Variants in CAST observed in about 807,000 individuals in gnomAD.
CAST encodes the protein calpastatin.
Under a neutral mutation model 119.6 loss-of-function variants are expected in CAST, and 76 were observed. The observed-to-expected ratio is 0.64, with a 90% CI of 0.53 to 0.77. CAST has a LOEUF of 0.77. Among genes scored for constraint, CAST ranks in the 30% least tolerant of loss-of-function variants. CAST has a pLI of 0.00. For synonymous variants in CAST, 319 were observed against 331.6 expected (o/e 0.96, Z 0.41); for missense variants, 953 against 946.5 (o/e 1.01, Z -0.09).
At chr5:96,541,739 AT>A (rs1561411208) in intron 1 of CAST, among the ~76,000 whole-genome samples, 1 of 152,222 alleles carries the variant, frequency 6.6e-6, no homozygotes, top group East Asian at 1.9e-4. Flanking sequence ...TTTCAGACTG[AT>A]TTCTTTCACT....
At chr5:96,574,986 T>G (rs2150187935) in intron 1 of CAST, among the ~76,000 whole-genome samples, 1 of 152,320 alleles carries the variant, frequency 6.6e-6, no homozygotes, top group Non-Finnish European at 1.5e-5. Flanking sequence ...GAAATTGCAT[T>G]AAACCTATAG....
chr5:96,079,666 G>A, the CAST span, among the ~76,000 whole-genome samples: 2 of 152,036 alleles, frequency 1.3e-5, no homozygotes, highest in African/African-American at 4.8e-5. Flanking sequence ...TTACTTGCTA[G>A]CACCCTTCCA....
At chr5:96,706,790 C>A (rs1427575789) in intron 3 of CAST, among the ~76,000 whole-genome samples, 1 of 152,200 alleles carries the variant, frequency 6.6e-6, no homozygotes, top group African/African-American at 2.4e-5. Flanking sequence ...ACTGAGAGTT[C>A]TGGTTAATTC....
chr5:96,077,571 C>T, the CAST span, among the ~76,000 whole-genome samples: 2 of 152,202 alleles, frequency 1.3e-5, no homozygotes, highest in African/African-American at 4.8e-5. Flanking sequence ...CCAGATCCCT[C>T]ATGGATAGAT....
the CAST span, among the ~76,000 whole-genome samples, chr5:96,512,554 A>G: frequency 1.3e-5 from 2 of 152,240 alleles, no homozygotes; most frequent in Non-Finnish European, 2.9e-5. Flanking sequence ...CCTTTTAATA[A>G]CTAGACAGAT....
At chr5:96,518,538 C>T in the CAST span, among the ~76,000 whole-genome samples, 1 of 152,152 alleles carries the variant, frequency 6.6e-6, no homozygotes, top group Non-Finnish European at 1.5e-5. Flanking sequence ...CTGAGTCTTC[C>T]CTATAAGCTG....
At chr5:96,616,753 T>TATAC (rs1167637550) in intron 1 of CAST, among the ~76,000 whole-genome samples, 181 of 130,834 alleles carry the variant, frequency 1.4e-3, no homozygotes, top group African/African-American at 3.7e-3. Context: ...TCTATATATA[T>TATAC]ACACACACAC....
At chr5:96,193,214 G>T in the CAST span, among the ~76,000 whole-genome samples, 1 of 152,046 alleles carries the variant, frequency 6.6e-6, no homozygotes, top group African/African-American at 2.4e-5. Flanking sequence ...TACAGATGCA[G>T]TGAAGTATGT....
In CAST at chr5:96,773,010, C is replaced by CTTAA. The variant is rs1406580948; in HGVS notation, c.*397_*400dup. ...ATCTCATTTGTATTTTCAGTTTGCC[C>CTTAA]TTAATTTTTTTTGTTAGTGTTTAGA... On this transcript the variant is annotated 3_prime_UTR_variant, in exon 32 of 32. Coordinates refer to ENST00000675179, the MANE Select transcript of CAST (RefSeq NM_001750.7). The CTTAA allele has an allele frequency of 6.5e-6, 1 of 153,818 alleles. No individual in the cohort carries two copies. Among genetic ancestry groups the CTTAA allele is most frequent in the African/African-American group, 2.4e-5 (1 of 41,438 alleles). The allele number at this position is 153,818 out of a possible 1,614,324, so 9.5% of individuals were successfully genotyped here.
At chr5:96,227,669 A>G in the CAST span, among the ~76,000 whole-genome samples, 1 of 152,214 alleles carries the variant, frequency 6.6e-6, no homozygotes, top group Admixed American at 6.5e-5. Flanking sequence ...AAAGTGTAAA[A>G]TAAGAGTCAG....
chr5:96,546,687 G>GT (rs1313502529), intron 1 of CAST, among the ~76,000 whole-genome samples: 2 of 152,132 alleles, frequency 1.3e-5, no homozygotes, highest in Admixed American at 6.5e-5. Context: ...GAATCATAAG[G>GT]TTTTTTATGT....
rs776491041 is a variant in CAST, at chr5:96,727,546, CTGTT to C, written c.378+17_378+20del. ...GTCAACCAAGGTAAATAGTTTAAGT[CTGTT>C]AGTTAGTTATTTGGATTCTTTTTAA... On this transcript the variant is annotated intron_variant, in intron 6 of 31. Coordinates refer to ENST00000675179, the MANE Select transcript of CAST (RefSeq NM_001750.7). The C allele has an allele frequency of 4.0e-6, 6 of 1,512,006 alleles. No individual in the cohort carries two copies. The Admixed American group carries it at 5.5e-5, about 14-fold the overall frequency. 93.7% of individuals were successfully genotyped at this position (1,512,006 alleles called of 1,614,324 possible). A position where few individuals can be genotyped will look rare whatever the true frequency, so the allele number is the denominator to read the frequency against.
rs11427288 is a variant in CAST, at chr5:96,672,706, C to CAAAA, written c.76-2813_76-2810dup. 1.0e-3 allele frequency among the ~76,000 whole-genome samples: 60 copies of CAAAA among 59,024 alleles called. 1 individual carries two copies. Among genetic ancestry groups the CAAAA allele is most frequent in the East Asian group, 4.8e-3 (10 of 2,072 alleles). 38.7% of individuals were successfully genotyped at this position (59,024 alleles called of 152,430 possible). On this transcript the variant is annotated intron_variant, in intron 1 of 31. Transcript: ENST00000675179. The stretch of plus-strand genomic sequence containing the variant: ...TGGGTGACAGAGTGAGACTCAGTCT[C>CAAAA]AAAAAAAAAAAAAAAAAAAAAAAGA...
At chr5:96,652,553 C>G (rs1247944708) in intron 1 of CAST, among the ~76,000 whole-genome samples, 1 of 152,152 alleles carries the variant, frequency 6.6e-6, no homozygotes, top group Non-Finnish European at 1.5e-5. Flanking sequence ...AGAGGAAACC[C>G]TATGTTTAGG....
chr5:96,720,503 A>G lies in CAST; in HGVS notation c.211-2136A>G, dbSNP rs558414550. Among the ~76,000 whole-genome samples, 14 of 152,358 alleles carry G rather than the reference A, an allele frequency of 9.2e-5. No homozygotes were observed. In the South Asian group the frequency reaches 2.7e-3, roughly 29 times the overall value. Reference sequence around the variant, plus strand: ...TGGGGTGGGCATATTCCCTACTTCCAGCTCCCATGAAGCAGCTTTCATATT... The same window carrying G: ...TGGGGTGGGCATATTCCCTACTTCCGGCTCCCATGAAGCAGCTTTCATATT... On this transcript the variant is annotated intron_variant, in intron 3 of 31. Transcript: ENST00000675179.
the CAST span, among the ~76,000 whole-genome samples, chr5:95,991,492 G>GTTTTGTT: frequency 1.6e-5 from 2 of 123,316 alleles, no homozygotes. Flanking sequence ...TTAACAACAA[G>GTTTTGTT]TTTTGTTTTT....
At chr5:96,743,704 A>G (rs781055645) in intron 16 of CAST, 1 of 1,611,670 alleles carries the variant, frequency 6.2e-7, no homozygotes, top group Non-Finnish European at 8.5e-7. Context: ...GTGACGGTGA[A>G]CGCAGAGGAG....
the CAST span, among the ~76,000 whole-genome samples, chr5:96,234,556 A>C: frequency 0.11 from 17,416 of 152,190 alleles, 1,208 homozygotes; most frequent in East Asian, 0.22. Context: ...CAAGAAAGTC[A>C]TGAAGGACCG....
the CAST span, among the ~76,000 whole-genome samples, chr5:96,139,186 A>G: frequency 6.6e-6 from 1 of 151,900 alleles, no homozygotes; most frequent in African/African-American, 2.4e-5. Context: ...ATTTCTTGCC[A>G]TATCTACATT....
Sources: allele counts gnomAD v4.1 joint callset (sites outside exome capture counted in the v4.1 genomes callset), GRCh38; gene constraint gnomAD v4.1.1; transcripts MANE v1.5; gene names NCBI Gene and HGNC (gene_info 2026-07-23, HGNC 2026-07-21).